The following SLC16A12 variants were observed in gnomAD, a reference collection of about 807,000 sequenced individuals.
The protein encoded by SLC16A12 is monocarboxylate transporter 12.
SLC16A12 carries 17 observed loss-of-function variants against 42.4 expected under a neutral mutation model. That is an observed-to-expected ratio of 0.40 (90% CI 0.27 to 0.60). SLC16A12 has a LOEUF of 0.60. Ranked by LOEUF, SLC16A12 falls within the 20% of genes least tolerant of loss-of-function variation. The pLI is 0.42. For synonymous variants in SLC16A12, 224 were observed against 229.4 expected (o/e 0.98, Z 0.21); for missense variants, 544 against 623.0 (o/e 0.87, Z 1.35).
At chr10:89,502,425 A>G (rs1843002837) in intron 2 of SLC16A12, among the ~76,000 whole-genome samples, 1 of 152,138 alleles carries the variant, frequency 6.6e-6, no homozygotes, top group Admixed American at 6.6e-5. Flanking sequence ...AGCCCGGGCA[A>G]CAGTGCAAGA....
intron 2 of SLC16A12, among the ~76,000 whole-genome samples, chr10:89,533,154 T>TGTA (rs1843586948): frequency 6.7e-6 from 1 of 149,612 alleles, no homozygotes; most frequent in African/African-American, 2.5e-5. Context: ...TTGTTGTTGT[T>TGTA]GTTGTCGTTT....
chr10:89,553,158 C>T (rs1423782959), intron 2 of SLC16A12, among the ~76,000 whole-genome samples: 9 of 152,162 alleles, frequency 5.9e-5, no homozygotes, highest in African/African-American at 1.4e-4. Context: ...TAGTAAAATC[C>T]GTATGCATAT....
chr10:89,433,921 A>C (rs1589655258), intron 7 of SLC16A12, among the ~76,000 whole-genome samples: 2 of 152,318 alleles, frequency 1.3e-5, no homozygotes, highest in Middle Eastern at 3.4e-3. Context: ...CTAAATTTTG[A>C]GGAAAACCGG....
intron 2 of SLC16A12, among the ~76,000 whole-genome samples, chr10:89,467,563 G>A (rs1842423659): frequency 6.6e-6 from 1 of 152,098 alleles, no homozygotes; most frequent in Non-Finnish European, 1.5e-5. Context: ...ATTGTTATAT[G>A]GAAAACTATT....
intron 3 of SLC16A12, among the ~76,000 whole-genome samples, chr10:89,444,841 T>G (rs1224309522): frequency 6.6e-6 from 1 of 152,234 alleles, no homozygotes; most frequent in East Asian, 1.9e-4. Context: ...TTCCCTTTCC[T>G]AGCTAAGGGA....
At chr10:89,555,494 TACGTATATAC>T (rs1235537251) in intron 2 of SLC16A12, among the ~76,000 whole-genome samples, 4 of 146,852 alleles carry the variant, frequency 2.7e-5, no homozygotes, top group African/African-American at 9.9e-5. Context: ...TACGTATATA[TACGTATATAC>T]GTATATATAT....
At chr10:89,520,720 C>CAG (rs755419246) in intron 2 of SLC16A12, among the ~76,000 whole-genome samples, 1,021 of 100,120 alleles carry the variant, frequency 0.01, 20 homozygotes, top group African/African-American at 0.039. Context: ...TCACATAGGC[C>CAG]AAAAAAAAAA....
chr10:89,480,291 A>G (rs1425627070), intron 2 of SLC16A12, among the ~76,000 whole-genome samples: 1 of 152,202 alleles, frequency 6.6e-6, no homozygotes, highest in Non-Finnish European at 1.5e-5. Context: ...CTCTACTCTG[A>G]TAATTACTAG....
intron 2 of SLC16A12, among the ~76,000 whole-genome samples, chr10:89,517,224 C>G (rs1843268278): frequency 6.6e-6 from 1 of 151,942 alleles, no homozygotes; most frequent in Non-Finnish European, 1.5e-5. Context: ...AACTCCATCT[C>G]AAAAGAATAA....
rs559758540 is a variant in SLC16A12, at chr10:89,524,882, A to C, written c.-47+9619T>G. ...AAAGGTAATTAATTCTATTTCATCT[A>C]AATCAAATGTCCCTTCTACAGATTC... On this transcript the variant is annotated intron_variant, in intron 2 of 7. Coordinates refer to ENST00000371790, the MANE Select transcript of SLC16A12 (RefSeq NM_213606.4). 1.2e-4 allele frequency among the ~76,000 whole-genome samples: 18 copies of C among 152,330 alleles called. No individual in the cohort carries two copies. The South Asian group carries it at 2.1e-3, about 18-fold the overall frequency.
intron 2 of SLC16A12, among the ~76,000 whole-genome samples, chr10:89,482,685 G>C (rs1320705162): frequency 1.3e-5 from 2 of 151,968 alleles, no homozygotes; most frequent in Non-Finnish European, 2.9e-5. Context: ...TAGGGAAGCT[G>C]AGGTGGGAGG....
chr10:89,443,600 A>G (rs1841951598), intron 4 of SLC16A12, among the ~76,000 whole-genome samples, 156 bp downstream of exon 4: 1 of 152,210 alleles, frequency 6.6e-6, no homozygotes, highest in Admixed American at 6.5e-5. Context: ...TTGGCTGAAG[A>G]TAGGATTGAT....
chr10:89,548,129 T>C (rs940906765), intron 2 of SLC16A12, among the ~76,000 whole-genome samples: 2 of 152,144 alleles, frequency 1.3e-5, no homozygotes, highest in African/African-American at 4.8e-5. Flanking sequence ...CAGGTACTAA[T>C]ACTTGCAGTG....
chr10:89,497,377 A>G (rs1429093890), intron 2 of SLC16A12, among the ~76,000 whole-genome samples: 2 of 152,260 alleles, frequency 1.3e-5, no homozygotes, highest in Admixed American at 1.3e-4. Flanking sequence ...AGGTTAACGT[A>G]TACTATTTAT....
intron 5 of SLC16A12, among the ~76,000 whole-genome samples, chr10:89,440,546 G>A (rs1403169163): frequency 6.6e-6 from 1 of 152,180 alleles, no homozygotes; most frequent in Non-Finnish European, 1.5e-5. Flanking sequence ...ACAATCCTAT[G>A]CAGTCTCTGT....
At chr10:89,521,179 G>A (rs1222479993) in intron 2 of SLC16A12, among the ~76,000 whole-genome samples, 1 of 152,182 alleles carries the variant, frequency 6.6e-6, no homozygotes, top group Non-Finnish European at 1.5e-5. Context: ...AAGGCTGTCT[G>A]AATCTGACAA....
intron 3 of SLC16A12, among the ~76,000 whole-genome samples, chr10:89,462,012 T>C (rs1223295933): frequency 6.6e-6 from 1 of 152,200 alleles, no homozygotes; most frequent in Non-Finnish European, 1.5e-5. Flanking sequence ...ATGGCTGGAA[T>C]AGTCACAGCA....
At chr10:89,452,868 G>A (rs1444922873) in intron 3 of SLC16A12, among the ~76,000 whole-genome samples, 4 of 152,206 alleles carry the variant, frequency 2.6e-5, no homozygotes, top group African/African-American at 4.8e-5. Flanking sequence ...AGCCATTGGC[G>A]GTGGGTGCCC....
At chr10:89,459,519 T>TGTGTGTGTGTGTGTGTGTGTGTGTGTGG (rs1325211850) in intron 3 of SLC16A12, among the ~76,000 whole-genome samples, 1 of 150,246 alleles carries the variant, frequency 6.7e-6, no homozygotes, top group African/African-American at 2.4e-5. Context: ...TGTGTTTATG[T>TGTGTGTGTGTGTGTGTGTGTGTGTGTGG]GTGTGTGTGT....
Sources: gnomAD v4.1 joint callset for allele counts (sites outside exome capture counted in the v4.1 genomes callset) on GRCh38, gnomAD v4.1.1 for gene constraint, MANE v1.5 for transcripts, NCBI Gene and HGNC (gene_info 2026-07-23, HGNC 2026-07-21) for gene names.